The following EPHB2 variants were observed in gnomAD, a reference collection of about 807,000 sequenced individuals.
The protein encoded by EPHB2 is EPH receptor B2.
EPHB2 carries 18 observed loss-of-function variants against 96.4 expected under a neutral mutation model. The observed-to-expected ratio is 0.19, with a 90% CI of 0.13 to 0.28. The LOEUF is 0.28. EPHB2 is among the 10% of genes least tolerant of loss of function. EPHB2 has a pLI of 1.00. For synonymous variants in EPHB2, 506 were observed against 534.1 expected, an observed-to-expected ratio of 0.95 and a Z score of 0.72; for missense variants, 989 against 1,355.4, an observed-to-expected ratio of 0.73 and a Z score of 4.25.
Position 22,833,373 on chromosome 1 carries a change from C to T in EPHB2, c.812-29664C>T, listed in dbSNP as rs144697668. Among the ~76,000 whole-genome samples the T allele has an allele frequency of 8.3e-3, 1,258 of 152,312 alleles. 11 individuals are homozygous for T. The highest frequency in any genetic ancestry group is 0.017 in the Middle Eastern group (5 of 294). On this transcript the variant is annotated intron_variant, in intron 3 of 15. Transcript: ENST00000374630. ...GACCCCATGATCTAGCCTCCTCGGC[C>T]TCCCAAAGTGCTGGGATTACAGGCG...
intron 1 of EPHB2, among the ~76,000 whole-genome samples, chr1:22,716,488 C>T (rs1392520772): frequency 1.3e-5 from 2 of 152,180 alleles, no homozygotes; most frequent in South Asian, 2.1e-4. Context: ...TGTGCCACTA[C>T]ACCCGGCTAA....
At position 22,863,078 on chromosome 1, in the gene EPHB2, G is replaced by A. The variant is rs1252908984; in HGVS notation, c.853G>A (p.Ala285Thr). The change falls in exon 4 of 16, where the codon GCC (alanine) becomes ACC (threonine). Residue 285 changes from alanine (A) to threonine (T), a missense_variant. Transcript: ENST00000374630. ...GTFKANQGDE[A>T]CTHCPINSRT... ...TTTCAAGGCCAACCAAGGGGATGAG[G>A]CCTGTACCCACTGTCCCATCAACAG... The A allele has an allele frequency of 6.2e-7, 1 of 1,614,064 alleles. No homozygotes were observed. Among genetic ancestry groups the A allele is most frequent in the Non-Finnish European group, 8.5e-7 (1 of 1,180,048 alleles).
In EPHB2 at chr1:22,858,296, G is replaced by A. The variant is rs1275580505; in HGVS notation, c.812-4741G>A. Among the ~76,000 whole-genome samples the A allele has an allele frequency of 3.3e-5, 5 of 152,204 alleles. No homozygotes were observed. The highest frequency in any genetic ancestry group is 1.3e-4 in the Admixed American group (2 of 15,284). Reference sequence around the variant, plus strand: ...CAGGCCTTGTAGCCAGGCTAGGCATGTGGGTCTATTCTAAGTGCAGTGGGG... The same window carrying A: ...CAGGCCTTGTAGCCAGGCTAGGCATATGGGTCTATTCTAAGTGCAGTGGGG... On this transcript the variant is annotated intron_variant, in intron 3 of 15. Transcript: ENST00000374630. This position sits in a 1 kb window ranked among gnomAD's most constrained non-coding sequence, Gnocchi z 7.7.
chr1:22,786,931 A>G (rs564643722), intron 3 of EPHB2, among the ~76,000 whole-genome samples: 5 of 152,364 alleles, frequency 3.3e-5, no homozygotes, highest in African/African-American at 1.2e-4. Flanking sequence ...ATAAAAGTGC[A>G]CAGCCTTGGA....
At chr1:22,793,648 C>T (rs1030808721) in intron 3 of EPHB2, among the ~76,000 whole-genome samples, 2 of 152,118 alleles carry the variant, frequency 1.3e-5, no homozygotes, top group Non-Finnish European at 2.9e-5. Context: ...TTCTACTGCC[C>T]TCGCAGGCTG....
chr1:22,823,098 G>A (rs1404466467), intron 3 of EPHB2, among the ~76,000 whole-genome samples: 1 of 152,180 alleles, frequency 6.6e-6, no homozygotes, highest in Non-Finnish European at 1.5e-5. Flanking sequence ...GGAGACCTGG[G>A]TCCAAGTTAG....
intron 3 of EPHB2, among the ~76,000 whole-genome samples, chr1:22,808,859 C>T (rs1477127108): frequency 6.6e-6 from 1 of 152,234 alleles, no homozygotes; most frequent in Non-Finnish European, 1.5e-5. Flanking sequence ...GAACCTCACT[C>T]CAGAGTCATG....
chr1:22,865,491 T>C (rs923910527), intron 5 of EPHB2, among the ~76,000 whole-genome samples: 2 of 152,214 alleles, frequency 1.3e-5, no homozygotes, highest in Non-Finnish European at 2.9e-5. Context: ...GAGTGGAATG[T>C]ATTTCTCTCT....
intron 7 of EPHB2, among the ~76,000 whole-genome samples, chr1:22,894,597 CAAA>C (rs569570637): frequency 7.9e-6 from 1 of 126,052 alleles, no homozygotes. Context: ...ACTCCCACTC[CAAA>C]AAAAAAAAAA....
chr1:22,814,992 G>C (rs949765879), intron 3 of EPHB2, among the ~76,000 whole-genome samples: 1 of 152,244 alleles, frequency 6.6e-6, no homozygotes, highest in South Asian at 2.1e-4. Context: ...ATGGCCACGC[G>C]TGAAGGCTGC....
intron 1 of EPHB2, among the ~76,000 whole-genome samples, chr1:22,768,869 C>T (rs952153853): frequency 1.5e-4 from 23 of 152,108 alleles, no homozygotes; most frequent in Non-Finnish European, 2.5e-4. Context: ...TTCCTCTTTC[C>T]CTCCTCCTTT....
In EPHB2 at chr1:22,913,750, C is replaced by CG. The variant is rs1640189223; in HGVS notation, c.*182dup. 4 of 1,595,516 alleles carry CG rather than the reference C, an allele frequency of 2.5e-6. No individual in the cohort carries two copies. The highest frequency in any genetic ancestry group is 2.2e-5 in the East Asian group (1 of 44,566). ...CCAAGAAAACATGCAACTCAAACGA[C>CG]GGAAAAAAAAAGGGAATGGGAAAAA... On this transcript the variant is annotated 3_prime_UTR_variant, in exon 16 of 16. Coordinates refer to ENST00000374630, the MANE Select transcript of EPHB2 (RefSeq NM_017449.5). The surrounding 1 kb of genome is among the most constrained non-coding windows in gnomAD (Gnocchi z 4.1).
At chr1:22,739,633 C>T (rs147998034) in intron 1 of EPHB2, among the ~76,000 whole-genome samples, 124 of 152,272 alleles carry the variant, frequency 8.1e-4, no homozygotes, top group Non-Finnish European at 1.3e-3. Context: ...CTGGACAGTC[C>T]ACAGCCTCAA....
intron 3 of EPHB2, among the ~76,000 whole-genome samples, chr1:22,808,804 C>A (rs1459739868): frequency 2.6e-5 from 4 of 152,220 alleles, no homozygotes; most frequent in Non-Finnish European, 5.9e-5. Context: ...TTACCCAACA[C>A]CACACATCAG....
chr1:22,825,885 G>A (rs1645215993), intron 3 of EPHB2, among the ~76,000 whole-genome samples: 1 of 152,228 alleles, frequency 6.6e-6, no homozygotes, highest in Non-Finnish European at 1.5e-5. Context: ...TCGTCTGGGG[G>A]GATGCTGGCT....
At chr1:22,793,954 T>C (rs1366251109) in intron 3 of EPHB2, among the ~76,000 whole-genome samples, 1 of 146,932 alleles carries the variant, frequency 6.8e-6, no homozygotes, top group East Asian at 1.9e-4. Flanking sequence ...ACTCACCTTT[T>C]ATACCTGAAT....
chr1:22,731,766 G>A (rs573032082), intron 1 of EPHB2, among the ~76,000 whole-genome samples: 7 of 152,316 alleles, frequency 4.6e-5, no homozygotes, highest in African/African-American at 1.7e-4. Context: ...CTTGAACCCG[G>A]GAAGTGGAGG....
rs989768210 is a variant in EPHB2 at position 22,858,508 on chromosome 1, T to C, written c.812-4529T>C. Among the ~76,000 whole-genome samples the C allele has an allele frequency of 2.2e-4, 34 of 152,244 alleles. No individual in the cohort carries two copies. Among genetic ancestry groups the C allele is most frequent in the Admixed American group, 2.1e-3 (32 of 15,298 alleles). ...CCTTTCCAGATGAGGAGACTGAGTT[T>C]CAAAGGGGAGGAGGCCTTCCCAAGC... On this transcript the variant is annotated intron_variant, in intron 3 of 15. Transcript: ENST00000374630. The surrounding 1 kb of genome is among the most constrained non-coding windows in gnomAD (Gnocchi z 7.7).
At chr1:22,757,587 C>T (rs975292829) in intron 1 of EPHB2, among the ~76,000 whole-genome samples, 7 of 152,228 alleles carry the variant, frequency 4.6e-5, no homozygotes, top group African/African-American at 1.7e-4. Context: ...ATCGACCAGG[C>T]GTGGTGCCTC....
Sources: allele counts gnomAD v4.1 joint callset (sites outside exome capture counted in the v4.1 genomes callset), GRCh38; gene constraint gnomAD v4.1.1; non-coding constraint Gnocchi (gnomAD v3.1); transcripts MANE v1.5; gene names NCBI Gene and HGNC (gene_info 2026-07-23, HGNC 2026-07-21).